Variants in PTPN13 observed in about 807,000 individuals in gnomAD.
The protein encoded by PTPN13 is protein tyrosine phosphatase non-receptor type 13.
PTPN13 carries 191 observed loss-of-function variants against 284.0 expected under a neutral mutation model. The observed-to-expected ratio is 0.67, with a 90% CI of 0.60 to 0.76. The LOEUF (loss-of-function observed/expected upper bound fraction) is 0.76. Among genes scored for constraint, PTPN13 ranks in the 30% least tolerant of loss-of-function variants. PTPN13 has a pLI of 0.00. For missense variants in PTPN13, 2,797 were observed against 2,939.9 expected (o/e 0.95, Z 1.12); for synonymous variants, 986 against 1,022.3 (o/e 0.96, Z 0.68).
chr4:86,732,543 T>G (rs1689820960), intron 11 of PTPN13, 49 bp from the exon 12 acceptor site: 3 of 1,596,296 alleles, frequency 1.9e-6, no homozygotes, highest in Non-Finnish European at 2.6e-6. Flanking sequence ...CCAGTTAAAA[T>G]TCTTATAATG....
chr4:86,620,884 T>C (rs1272717752), intron 1 of PTPN13, among the ~76,000 whole-genome samples: 3 of 152,236 alleles, frequency 2.0e-5, no homozygotes. Context: ...ATTCCTGCTG[T>C]TTCCCTCTTA....
At chr4:86,791,453 T>C (rs929633048) in intron 40 of PTPN13, among the ~76,000 whole-genome samples, 1 of 152,136 alleles carries the variant, frequency 6.6e-6, no homozygotes, top group East Asian at 1.9e-4. Context: ...GCAGACAGCT[T>C]CTCCAGACTT....
At chr4:86,757,367 A>C (rs990701407) in intron 20 of PTPN13, among the ~76,000 whole-genome samples, 3 of 152,198 alleles carry the variant, frequency 2.0e-5, no homozygotes, top group Non-Finnish European at 2.9e-5. Context: ...AATGGTTAAA[A>C]ATCTCTTTAC....
rs763497690 is a variant in PTPN13, at chr4:86,701,781, G to A, written c.1175G>A (p.Arg392Lys). The A allele has an allele frequency of 9.8e-5, 158 of 1,611,588 alleles. No homozygotes were observed. The highest frequency in any genetic ancestry group is 1.3e-4 in the Non-Finnish European group (158 of 1,179,124). The change falls in exon 7 of 48, where the codon AGG becomes AAG. Residue 392 changes from arginine (R) to lysine (K), a missense_variant. Transcript: ENST00000411767. ...AGACAAAAGAAACTTCAGGTTCTGA[G>A]GGAAGCCATGAATGTAGAAGGTTAG... ...RERQKKLQVL[R>K]EAMNVEEPVR...
chr4:86,685,498 A>G (rs1014606610), intron 3 of PTPN13, among the ~76,000 whole-genome samples: 1 of 152,128 alleles, frequency 6.6e-6, no homozygotes, highest in African/African-American at 2.4e-5. Flanking sequence ...AGTCCCAGCT[A>G]TTTGAGAAGC....
chr4:86,668,908 G>C (rs1029484469), intron 2 of PTPN13, among the ~76,000 whole-genome samples: 3 of 151,476 alleles, frequency 2.0e-5, no homozygotes, highest in South Asian at 4.2e-4. Context: ...CGCCCAGCCT[G>C]TCTGTATTTT....
At chr4:86,739,820 AC>A (rs1274976952) in intron 15 of PTPN13, among the ~76,000 whole-genome samples, 1 of 152,246 alleles carries the variant, frequency 6.6e-6, no homozygotes, top group Non-Finnish European at 1.5e-5. Flanking sequence ...AATGGGGGTT[AC>A]AGGCATTGGG....
At chr4:86,812,601 G>A (rs1014197016) in intron 47 of PTPN13, among the ~76,000 whole-genome samples, 24 of 152,160 alleles carry the variant, frequency 1.6e-4, no homozygotes, top group Non-Finnish European at 3.2e-4. Context: ...AGATTTGAAG[G>A]CAAAGGAGAG....
intron 25 of PTPN13, 83 bp downstream of exon 25, chr4:86,764,807 T>C: frequency 6.9e-7 from 1 of 1,458,366 alleles, no homozygotes; most frequent in Non-Finnish European, 9.1e-7. Context: ...AATTGAATTA[T>C]TTTGCATCAA....
At chr4:86,736,432 T>C (rs557519993) in intron 15 of PTPN13, among the ~76,000 whole-genome samples, 36 of 152,304 alleles carry the variant, frequency 2.4e-4, no homozygotes, top group Admixed American at 1.9e-3. Flanking sequence ...TGTAACAGTA[T>C]GCCTTCCATT....
At chr4:86,686,898 A>T (rs971892942) in intron 4 of PTPN13, 123 bp downstream of exon 4, 2 of 691,510 alleles carry the variant, frequency 2.9e-6, no homozygotes, top group Non-Finnish European at 4.9e-6. Context: ...CAACATTCCT[A>T]TGGAGTTTGT....
At chr4:86,701,907 A>G in intron 7 of PTPN13, 106 bp downstream of exon 7, 1 of 1,120,990 alleles carries the variant, frequency 8.9e-7, no homozygotes, top group Non-Finnish European at 1.2e-6. Flanking sequence ...TTTCACTGCC[A>G]AATTTTTGTA....
chr4:86,790,411 C>A (rs139425261), intron 40 of PTPN13, among the ~76,000 whole-genome samples: 213 of 152,066 alleles, frequency 1.4e-3, no homozygotes, highest in Admixed American at 2.4e-3. Flanking sequence ...GTGAACAGAT[C>A]GACATGATTC....
chr4:86,643,034 T>G (rs1723996137), intron 2 of PTPN13, among the ~76,000 whole-genome samples: 1 of 152,150 alleles, frequency 6.6e-6, no homozygotes, highest in African/African-American at 2.4e-5. Context: ...TTTCGAATCT[T>G]GAGGTTTTAG....
At chr4:86,802,022 G>GT (rs748033952) in intron 42 of PTPN13, among the ~76,000 whole-genome samples, 11 of 151,878 alleles carry the variant, frequency 7.2e-5, no homozygotes, top group Admixed American at 1.3e-4. Context: ...CCAAAAGTCT[G>GT]TTTTTTTAAA....
intron 6 of PTPN13, among the ~76,000 whole-genome samples, chr4:86,695,338 C>T (rs1730486514): frequency 6.6e-6 from 1 of 151,956 alleles, no homozygotes; most frequent in Non-Finnish European, 1.5e-5. Context: ...CCTTCCTATA[C>T]TTATGTCCCC....
At chr4:86,676,055 T>A (rs1728240776) in intron 3 of PTPN13, among the ~76,000 whole-genome samples, 2 of 152,234 alleles carry the variant, frequency 1.3e-5, no homozygotes, top group Non-Finnish European at 2.9e-5. Flanking sequence ...TTACCCAAGC[T>A]TAGCAGAAGC....
intron 9 of PTPN13, among the ~76,000 whole-genome samples, chr4:86,719,824 T>C (rs1185509606): frequency 6.6e-6 from 1 of 152,212 alleles, no homozygotes; most frequent in Non-Finnish European, 1.5e-5. Flanking sequence ...AGTTGTTTGT[T>C]TTTCTTTTGT....
chr4:86,722,802 G>A (rs957734575), intron 10 of PTPN13, among the ~76,000 whole-genome samples: 6 of 152,078 alleles, frequency 3.9e-5, no homozygotes, highest in Admixed American at 1.3e-4. Flanking sequence ...GAAAGTTCAA[G>A]GTTAATTCCA....
Sources: gnomAD v4.1 joint callset for allele counts (sites outside exome capture counted in the v4.1 genomes callset) on GRCh38, gnomAD v4.1.1 for gene constraint, MANE v1.5 for transcripts, NCBI Gene and HGNC (gene_info 2026-07-23, HGNC 2026-07-21) for gene names.